The following SIM2 variants were observed in gnomAD, a reference collection of about 807,000 sequenced individuals.
The protein encoded by SIM2 is single-minded homolog 2.
SIM2 carries 28 observed loss-of-function variants against 64.8 expected under a neutral mutation model. The ratio of observed to expected loss-of-function variants is 0.43; its 90% CI spans 0.32 to 0.59. The LOEUF is 0.59. SIM2 is among the 20% of genes least tolerant of loss of function. The pLI is 0.07. For missense variants in SIM2, 847 were observed against 871.4 expected, an observed-to-expected ratio of 0.97 and a Z score of 0.35; for synonymous variants, 408 against 391.1, an observed-to-expected ratio of 1.04 and a Z score of -0.51.
Position 36,699,845 on chromosome 21 carries a change from C to T in SIM2, c.99C>T (p.Ile33=), listed in dbSNP as rs771411081. The T allele has an allele frequency of 6.2e-7, 1 of 1,610,612 alleles. No homozygotes were observed. The highest frequency in any genetic ancestry group is 1.7e-5 in the Admixed American group (1 of 59,726). The change falls in exon 1 of 11, where the codon ATC becomes ATT. Residue 33 remains isoleucine (I), a synonymous_variant. Coordinates refer to ENST00000290399, the MANE Select transcript of SIM2 (RefSeq NM_005069.6). The surrounding 1 kb of genome is among the most constrained non-coding windows in gnomAD (Gnocchi z 5.6). ...LAKLLPLPSA[I]TSQLDKASII... ...AGCTGCTCCCGCTGCCGTCGGCCAT[C>T]ACTTCGCAGCTGGACAAAGCGTCCA...
intron 1 of SIM2, among the ~76,000 whole-genome samples, chr21:36,707,915 G>T (rs1049097537): frequency 2.0e-5 from 3 of 149,968 alleles, no homozygotes; most frequent in Non-Finnish European, 3.0e-5. Context: ...CAGTGCTCGC[G>T]GCACCACCGC....
rs773683801 is a variant in SIM2, at chr21:36,699,714, G to C, written c.-33G>C. On this transcript the variant is annotated 5_prime_UTR_variant, in exon 1 of 11. Coordinates refer to ENST00000290399, the MANE Select transcript of SIM2 (RefSeq NM_005069.6). The surrounding 1 kb of genome is among the most constrained non-coding windows in gnomAD (Gnocchi z 5.6). ...GCGGGGCTCCGCGGGCCTGGAGCAC[G>C]GCCGGGTCTAATATGCCCGGAGCCG... 1.2e-6 allele frequency: 2 copies of C among 1,602,476 alleles called. No homozygotes were observed. Among genetic ancestry groups the C allele is most frequent in the East Asian group, 4.6e-5 (2 of 43,828 alleles).
Position 36,747,999 on chromosome 21 carries a change from G to T in SIM2, c.1911G>T (p.Arg637=). ...CCGAGGCGGCGACCGGCGCGCTGCG[G>T]CTCCGGCACCCGAGCCCCGCCGCCA... The part of the protein sequence containing the change: ...GGPEAATGAL[R]LRHPSPAATS... The change falls in exon 11 of 11, where the codon CGG becomes CGT. Residue 637 remains arginine (R), a synonymous_variant. Transcript: ENST00000290399. This position sits in a 1 kb window ranked among gnomAD's most constrained non-coding sequence, Gnocchi z 4.5. 9.0e-7 allele frequency: 1 copy of T among 1,109,436 alleles called. No homozygotes were observed. The highest frequency in any genetic ancestry group is 1.1e-6 in the Non-Finnish European group (1 of 911,030). 68.7% of individuals were successfully genotyped at this position (1,109,436 alleles called of 1,614,324 possible).
At chr21:36,707,962 G>GCCC (rs1568925027) in intron 1 of SIM2, among the ~76,000 whole-genome samples, 2 of 150,176 alleles carry the variant, frequency 1.3e-5, no homozygotes, top group Non-Finnish European at 3.0e-5. Flanking sequence ...GCTGGGGCTG[G>GCCC]GCCTGGCCCA....
chr21:36,720,850 A>G (rs550661046), intron 4 of SIM2, among the ~76,000 whole-genome samples: 2 of 152,354 alleles, frequency 1.3e-5, no homozygotes, highest in East Asian at 1.9e-4. Context: ...CAGTGAGGCC[A>G]ACAGGCCTCT....
intron 4 of SIM2, among the ~76,000 whole-genome samples, chr21:36,722,658 G>A (rs537737046): frequency 6.6e-6 from 1 of 152,282 alleles, no homozygotes; most frequent in East Asian, 1.9e-4. Flanking sequence ...GAGGGTGAAA[G>A]CATGGATCTG....
At chr21:36,705,231 C>G (rs2088563310) in intron 1 of SIM2, among the ~76,000 whole-genome samples, 1 of 152,228 alleles carries the variant, frequency 6.6e-6, no homozygotes, top group South Asian at 2.1e-4. Context: ...CTCCAGGATC[C>G]CAATATGTGC....
intron 7 of SIM2, among the ~76,000 whole-genome samples, chr21:36,734,285 C>G (rs1282232066): frequency 6.6e-6 from 1 of 152,126 alleles, no homozygotes; most frequent in Non-Finnish European, 1.5e-5. Flanking sequence ...GCCACTTTAT[C>G]TCACAGGAAG....
At chr21:36,722,696 T>A (rs2088839202) in intron 4 of SIM2, among the ~76,000 whole-genome samples, 2 of 152,132 alleles carry the variant, frequency 1.3e-5, no homozygotes, top group Admixed American at 6.5e-5. Flanking sequence ...CACACTCAAG[T>A]CCTGCTACCC....
intron 2 of SIM2, chr21:36,710,353 C>T (rs1408347764): frequency 6.6e-6 from 1 of 152,286 alleles, no homozygotes; most frequent in Non-Finnish European, 1.5e-5. Context: ...CGCCCCTGAC[C>T]TCGGCTTTTC....
Position 36,745,117 on chromosome 21 carries a change from C to T in SIM2, c.1557C>T (p.Ser519=). ...CACCGGCGAACACTGCTAGGCACAGCCTGGTGCCAAGCTACGAAGGTGGGT... is the reference window on the plus strand; with the variant it reads ...CACCGGCGAACACTGCTAGGCACAGTCTGGTGCCAAGCTACGAAGGTGGGT... ...PEPPANTARH[S]LVPSYEAPAA... is the part of the protein sequence containing the mutation. Residue 519 remains serine (S), a synonymous_variant, in exon 10 of 11, where the codon AGC becomes AGT. Transcript: ENST00000290399. This position sits in a 1 kb window ranked among gnomAD's most constrained non-coding sequence, Gnocchi z 4.8. 1 of 1,611,468 alleles carries T rather than the reference C, an allele frequency of 6.2e-7. No individual in the cohort carries two copies. The highest frequency in any genetic ancestry group is 8.5e-7 in the Non-Finnish European group (1 of 1,178,488).
chr21:36,708,109 G>T (rs1161128591), intron 1 of SIM2, among the ~76,000 whole-genome samples: 2 of 152,330 alleles, frequency 1.3e-5, no homozygotes, highest in South Asian at 2.1e-4. Flanking sequence ...GGGTGCAGGC[G>T]GTGCACCGAC....
At chr21:36,746,618 A>T (rs1165736614) in intron 10 of SIM2, among the ~76,000 whole-genome samples, 1 of 152,228 alleles carries the variant, frequency 6.6e-6, no homozygotes, top group Non-Finnish European at 1.5e-5. Context: ...AGAAAAGACC[A>T]CATTGGTGAC....
intron 1 of SIM2, among the ~76,000 whole-genome samples, chr21:36,707,983 G>A (rs1214240928): frequency 6.6e-6 from 1 of 151,982 alleles, no homozygotes; most frequent in Non-Finnish European, 1.5e-5. Context: ...GCGTGGGTTG[G>A]GGCGGGGGAC....
At chr21:36,718,359 G>A (rs907794951) in intron 3 of SIM2, among the ~76,000 whole-genome samples, 8 of 152,164 alleles carry the variant, frequency 5.3e-5, no homozygotes, top group African/African-American at 9.7e-5. Flanking sequence ...GTCCTGTTGC[G>A]TGAGGTGGCA....
Position 36,749,552 on chromosome 21 carries a change from CA to C in SIM2, c.*1463del, listed in dbSNP as rs1456189270. ...GCCTCATGGTAAGAGTCACAATTTGCAAATTTAGGACCGTGGGTCATGCAGC... is the reference window on the plus strand; with the variant it reads ...GCCTCATGGTAAGAGTCACAATTTGCAATTTAGGACCGTGGGTCATGCAGC... On this transcript the variant is annotated 3_prime_UTR_variant, in exon 11 of 11. Transcript: ENST00000290399. 1 of 150,804 alleles carries C rather than the reference CA, an allele frequency of 6.6e-6. No homozygotes were observed. The highest frequency in any genetic ancestry group is 1.5e-5 in the Non-Finnish European group (1 of 67,958). The allele number at this position is 150,804 out of a possible 1,614,324, so 9.3% of individuals were successfully genotyped here. A position where few individuals can be genotyped will look rare whatever the true frequency, so the allele number is the denominator to read the frequency against.
chr21:36,747,769 G>T lies in SIM2; in HGVS notation c.1681G>T (p.Ala561Ser). 8.8e-7 allele frequency: 1 copy of T among 1,134,386 alleles called. No homozygotes were observed. Among genetic ancestry groups the T allele is most frequent in the Non-Finnish European group, 1.1e-6 (1 of 927,922 alleles). The allele number at this position is 1,134,386 out of a possible 1,614,324, so 70.3% of individuals were successfully genotyped here. The change falls in exon 11 of 11, where the codon GCC becomes TCC. Residue 561 changes from alanine (A) to serine (S), a missense_variant. This residue lies in a region of SIM2 where 447 missense variants were observed against 414.6 expected (regional missense o/e 1.08). Transcript: ENST00000290399. The surrounding 1 kb of genome is among the most constrained non-coding windows in gnomAD (Gnocchi z 4.5). ...EEPALGPAKAARQAARDGARL... is the reference protein window; with the variant it reads ...EEPALGPAKASRQAARDGARL... ...GCCCGCGCTGGGCCCGGCCAAAGCC[G>T]CCCGCCAGGCCGCCCGGGACGGGGC...
chr21:36,736,765 CTTTCTTCT>C (rs1192444981), intron 7 of SIM2, among the ~76,000 whole-genome samples: 7 of 145,646 alleles, frequency 4.8e-5, no homozygotes, highest in Admixed American at 3.4e-4. Context: ...CCCTCCCTCC[CTTTCTTCT>C]TTCTTTCTTT....
Position 36,699,925 on chromosome 21 carries a change from A to G in SIM2, c.175+4A>G, listed in dbSNP as rs1271397532. On this transcript the variant is annotated splice_donor_region_variant and intron_variant, in intron 1 of 10. Coordinates refer to ENST00000290399, the MANE Select transcript of SIM2 (RefSeq NM_005069.6). The surrounding 1 kb of genome is among the most constrained non-coding windows in gnomAD (Gnocchi z 5.6). Reference sequence around the variant, plus strand: ...ATGCGCGCCGTCTTCCCCGAAGGTGAGGCCTCAGGTGGGCGGCCGGGGACG... The same window carrying G: ...ATGCGCGCCGTCTTCCCCGAAGGTGGGGCCTCAGGTGGGCGGCCGGGGACG... 6.3e-7 allele frequency: 1 copy of G among 1,594,152 alleles called. No homozygotes were observed. Among genetic ancestry groups the G allele is most frequent in the Non-Finnish European group, 8.5e-7 (1 of 1,170,914 alleles).
Sources: allele counts gnomAD v4.1 joint callset (sites outside exome capture counted in the v4.1 genomes callset), GRCh38; gene constraint gnomAD v4.1.1; regional missense constraint gnomAD v4.1.1; non-coding constraint Gnocchi (gnomAD v3.1); transcripts MANE v1.5; gene names NCBI Gene and HGNC (gene_info 2026-07-23, HGNC 2026-07-21).